The following KCNMA1 variants were observed in gnomAD, a reference collection of about 807,000 sequenced individuals.
KCNMA1 encodes potassium calcium-activated channel subfamily M alpha 1, also known as Calcium-activated potassium channel subunit alpha-1.
KCNMA1 carries 29 observed loss-of-function variants against 140.0 expected under a neutral mutation model. The observed-to-expected ratio is 0.21, with a 90% confidence interval of 0.15 to 0.28. The LOEUF is 0.28. Ranked by LOEUF, KCNMA1 falls within the 10% of genes least tolerant of loss-of-function variation. The pLI is 1.00. For missense variants in KCNMA1, 880 were observed against 1,602.2 expected (o/e 0.55, Z 7.70); for synonymous variants, 612 against 611.9 (o/e 1.00, Z 0.00).
intron 2 of KCNMA1, among the ~76,000 whole-genome samples, chr10:77,294,046 C>T (rs546185046): frequency 1.3e-5 from 2 of 152,374 alleles, no homozygotes; most frequent in African/African-American, 4.8e-5. Context: ...CCAGAATAGC[C>T]CGCCACTGCG....
intron 25 of KCNMA1, among the ~76,000 whole-genome samples, chr10:76,901,095 CT>C (rs2045138396): frequency 6.6e-6 from 1 of 151,950 alleles, no homozygotes; most frequent in Non-Finnish European, 1.5e-5. Context: ...TATGGAGGCT[CT>C]GCAAATCATG....
intron 16 of KCNMA1, among the ~76,000 whole-genome samples, chr10:77,025,076 A>G (rs1482942951): frequency 1.3e-5 from 2 of 151,442 alleles, no homozygotes; most frequent in Non-Finnish European, 2.9e-5. Flanking sequence ...CTTTAATAGT[A>G]TTTGTTCCCA....
chr10:77,396,712 G>T (rs1164542423), intron 2 of KCNMA1, among the ~76,000 whole-genome samples: 3 of 152,200 alleles, frequency 2.0e-5, no homozygotes, highest in Non-Finnish European at 4.4e-5. Context: ...GGGGGATAAA[G>T]AGAGAGGCTG....
intron 3 of KCNMA1, among the ~76,000 whole-genome samples, chr10:77,215,810 A>G (rs1382926768): frequency 6.6e-6 from 1 of 152,060 alleles, no homozygotes; most frequent in Non-Finnish European, 1.5e-5. Context: ...GTGGGGCCTT[A>G]TGATGGGATT....
intron 2 of KCNMA1, among the ~76,000 whole-genome samples, chr10:77,261,225 C>A (rs1382323786): frequency 6.6e-6 from 1 of 152,192 alleles, no homozygotes; most frequent in Non-Finnish European, 1.5e-5. Flanking sequence ...TACTATAAAT[C>A]ATGCATCCAT....
chr10:77,005,878 C>T (rs981161789), intron 18 of KCNMA1, among the ~76,000 whole-genome samples: 3 of 152,182 alleles, frequency 2.0e-5, no homozygotes, highest in African/African-American at 7.2e-5. Context: ...AACAAAAAGG[C>T]TTCTCAGAAG....
chr10:77,058,787 A>G (rs534090101), intron 14 of KCNMA1, among the ~76,000 whole-genome samples: 1 of 152,144 alleles, frequency 6.6e-6, no homozygotes, highest in Non-Finnish European at 1.5e-5. Context: ...ATAGCACAAA[A>G]TGTTTACACC....
At chr10:77,168,878 A>C (rs1195510740) in intron 5 of KCNMA1, among the ~76,000 whole-genome samples, 1 of 152,192 alleles carries the variant, frequency 6.6e-6, no homozygotes, top group Non-Finnish European at 1.5e-5. Context: ...AAAAAGAAAG[A>C]TAATAATTTT....
intron 3 of KCNMA1, among the ~76,000 whole-genome samples, chr10:77,233,234 G>C (rs2054213942): frequency 6.6e-6 from 1 of 152,012 alleles, no homozygotes; most frequent in South Asian, 2.1e-4. Flanking sequence ...TGATCTATAT[G>C]TCCAGAATGA....
At chr10:76,980,035 A>G (rs2078951531) in intron 19 of KCNMA1, 1 of 152,202 alleles carries the variant, frequency 6.6e-6, no homozygotes, top group South Asian at 2.1e-4. Flanking sequence ...GTATGCTATC[A>G]TAATTTATCC....
At chr10:76,880,733 G>C (rs954217569), downstream of KCNMA1, among the ~76,000 whole-genome samples, 1 of 152,164 alleles carries the variant, frequency 6.6e-6, no homozygotes, top group South Asian at 2.1e-4. Flanking sequence ...AATTGACCAC[G>C]AGGAAGAGGA....
intron 1 of KCNMA1, among the ~76,000 whole-genome samples, chr10:77,469,421 A>G (rs1201438030): frequency 1.3e-5 from 2 of 152,222 alleles, no homozygotes; most frequent in Non-Finnish European, 2.9e-5. Flanking sequence ...GGGCAGCGCC[A>G]GAACTGTGTC....
At chr10:77,148,016 A>C (rs866433116) in intron 5 of KCNMA1, among the ~76,000 whole-genome samples, 1 of 151,974 alleles carries the variant, frequency 6.6e-6, no homozygotes, top group Non-Finnish European at 1.5e-5. Context: ...CAGGCACAAC[A>C]TGTAAGGAGG....
At chr10:77,564,543 A>G (rs1011504099) in intron 1 of KCNMA1, among the ~76,000 whole-genome samples, 3 of 152,108 alleles carry the variant, frequency 2.0e-5, no homozygotes, top group Non-Finnish European at 4.4e-5. Flanking sequence ...AGATCACACC[A>G]CTGTACTCCA....
rs112951436 is a variant in KCNMA1, at chr10:77,433,937, C to T, written c.379-29914G>A. ...CTAATGGTCCCGAGGCTGATTCCCA[C>T]GCCACAAGGGTAACTGCAATTCCAT... On this transcript the variant is annotated intron_variant, in intron 1 of 27. Coordinates refer to ENST00000286628, the MANE Select transcript of KCNMA1 (RefSeq NM_001161352.2). 4.5e-3 allele frequency among the ~76,000 whole-genome samples: 685 copies of T among 152,292 alleles called. 3 individuals are homozygous for T. The highest frequency in any genetic ancestry group is 0.016 in the African/African-American group (647 of 41,568).
At chr10:76,951,071 C>T (rs1048009255) in intron 21 of KCNMA1, among the ~76,000 whole-genome samples, 2 of 152,266 alleles carry the variant, frequency 1.3e-5, no homozygotes. Flanking sequence ...ACCTGGGAGG[C>T]TAGCTCCCTT....
At chr10:77,311,269 T>G (rs970002729) in intron 2 of KCNMA1, among the ~76,000 whole-genome samples, 1 of 152,164 alleles carries the variant, frequency 6.6e-6, no homozygotes, top group Non-Finnish European at 1.5e-5. Context: ...AATACAGTGG[T>G]GGTCCCTGAG....
rs1036782477 is a variant in KCNMA1, at chr10:76,885,420, G to C, written c.*1846C>G. On this transcript the variant is annotated 3_prime_UTR_variant, in exon 28 of 28. Coordinates refer to ENST00000286628, the MANE Select transcript of KCNMA1 (RefSeq NM_001161352.2). ...TGAATACTACGCTGCCCCTGTCTTT[G>C]GTGTGGGGGAGGGTGGAGGTTCTGA... 16 of 985,036 alleles carry C rather than the reference G, an allele frequency of 1.6e-5. No individual in the cohort carries two copies. In the African/African-American group the frequency reaches 2.6e-4, roughly 16 times the overall value. 61.0% of individuals were successfully genotyped at this position (985,036 alleles called of 1,614,324 possible). A position where few individuals can be genotyped will look rare whatever the true frequency, so the allele number is the denominator to read the frequency against.
At chr10:77,455,959 G>A (rs977997142) in intron 1 of KCNMA1, among the ~76,000 whole-genome samples, 17 of 152,192 alleles carry the variant, frequency 1.1e-4, no homozygotes, top group African/African-American at 4.1e-4. Flanking sequence ...TGATCTCAGG[G>A]CTTTTGTGTG....
Sources: gnomAD v4.1 joint callset for allele counts (sites outside exome capture counted in the v4.1 genomes callset) on GRCh38, gnomAD v4.1.1 for gene constraint, MANE v1.5 for transcripts, NCBI Gene and HGNC (gene_info 2026-07-23, HGNC 2026-07-21) for gene names.